SGPP2: variants seen among roughly 807,000 people sequenced by gnomAD.
The protein encoded by SGPP2 is sphingosine 1-phosphate phosphohydrolase 2.
In SGPP2, 30 loss-of-function variants were observed where a neutral mutation model predicts 33.9. The ratio of observed to expected loss-of-function variants is 0.89; its 90% CI spans 0.66 to 1.20. SGPP2 has a LOEUF of 1.20. Ranked by LOEUF, SGPP2 falls within the 50% of genes most tolerant of loss-of-function variation. The pLI, the probability that SGPP2 is intolerant of heterozygous loss-of-function variation, is 0.00. For missense variants in SGPP2, 458 were observed against 532.1 expected (o/e 0.86, Z 1.37); for synonymous variants, 233 against 225.0 (o/e 1.04, Z -0.32).
intron 4 of SGPP2, among the ~76,000 whole-genome samples, chr2:222,540,074 T>C (rs2106147758): frequency 6.6e-6 from 1 of 152,318 alleles, no homozygotes; most frequent in East Asian, 1.9e-4. Context: ...AGATTTTCAT[T>C]CCAAAGTCTC....
intron 1 of SGPP2, among the ~76,000 whole-genome samples, chr2:222,428,785 C>CTTTTTTTTTTTTTTTTTTTTTTTTTTT (rs58239129): frequency 4.0e-5 from 3 of 75,344 alleles, no homozygotes; most frequent in Non-Finnish European, 7.4e-5. Flanking sequence ...ACATGGTTTT[C>CTTTTTTTTTTTTTTTTTTTTTTTTTTT]TTTTTTTTTT....
In SGPP2 at chr2:222,465,083, C is replaced by G. The variant is rs1266112023; in HGVS notation, c.220-9485C>G. On this transcript the variant is annotated intron_variant, in intron 1 of 4. Coordinates refer to ENST00000321276, the MANE Select transcript of SGPP2 (RefSeq NM_152386.4). The surrounding 1 kb of genome is among the most constrained non-coding windows in gnomAD (Gnocchi z 4.1). ...GGGCTCAGTCCCCTCAACCCTCCCT[C>G]CTATCCTTGGACGCAGCAGAGGGAT... Among the ~76,000 whole-genome samples the G allele has an allele frequency of 2.6e-5, 4 of 152,208 alleles. No homozygotes were observed. The highest frequency in any genetic ancestry group is 4.4e-5 in the Non-Finnish European group (3 of 68,034).
intron 2 of SGPP2, among the ~76,000 whole-genome samples, chr2:222,512,330 G>C (rs1020855817): frequency 2.0e-5 from 3 of 151,960 alleles, no homozygotes; most frequent in African/African-American, 7.3e-5. Context: ...ATTTTTTTTA[G>C]AGAAGTTTTA....
intron 1 of SGPP2, among the ~76,000 whole-genome samples, chr2:222,431,377 A>G (rs372363156): frequency 1.3e-5 from 2 of 152,008 alleles, no homozygotes; most frequent in East Asian, 3.9e-4. Flanking sequence ...GTGGTGGCAC[A>G]CGTCTGATGT....
At chr2:222,481,374 C>T (rs1698027340) in intron 2 of SGPP2, among the ~76,000 whole-genome samples, 1 of 151,990 alleles carries the variant, frequency 6.6e-6, no homozygotes, top group African/African-American at 2.4e-5. Flanking sequence ...TGTCAGTCTG[C>T]CTTGTATTTT....
intron 1 of SGPP2, among the ~76,000 whole-genome samples, chr2:222,463,223 T>C (rs1052388149): frequency 6.6e-6 from 1 of 152,248 alleles, no homozygotes; most frequent in East Asian, 1.9e-4. Flanking sequence ...CTACCACATA[T>C]CCACAGTCAC....
chr2:222,491,700 T>C (rs931617156), intron 2 of SGPP2, among the ~76,000 whole-genome samples: 1 of 152,082 alleles, frequency 6.6e-6, no homozygotes, highest in African/African-American at 2.4e-5. Context: ...CCCTGGCCCT[T>C]CCCAAATCTC....
intron 2 of SGPP2, among the ~76,000 whole-genome samples, chr2:222,486,990 C>T (rs1698121066): frequency 6.6e-6 from 1 of 151,986 alleles, no homozygotes; most frequent in South Asian, 2.1e-4. Flanking sequence ...TCACCTTTTC[C>T]TTCCATCGCT....
intron 2 of SGPP2, among the ~76,000 whole-genome samples, chr2:222,506,379 A>G (rs1698445485): frequency 6.6e-6 from 1 of 152,212 alleles, no homozygotes; most frequent in Non-Finnish European, 1.5e-5. Context: ...AATTACAAGA[A>G]AAGCTATGAA....
In SGPP2 at chr2:222,474,711, G is replaced by A. The variant is rs142977718; in HGVS notation, c.363G>A (p.Leu121=). 2,823 of 1,613,370 alleles carry A rather than the reference G, an allele frequency of 1.7e-3. 2 individuals carry two copies. Among genetic ancestry groups the A allele is most frequent in the Admixed American group, 3.6e-3 (218 of 59,992 alleles). The change falls in exon 2 of 5, where the codon TTG becomes TTA. Residue 121 remains leucine, a synonymous_variant. Transcript: ENST00000321276. ...TTGACCCTTATTTATCCAGAAGATT[G>A]ATCATCATATGGGTTGTAAGTATTA... ...WNIDPYLSRR[L]IIIWVLVMYI...
intron 1 of SGPP2, among the ~76,000 whole-genome samples, chr2:222,454,377 T>A (rs887370827): frequency 1.3e-5 from 2 of 152,206 alleles, no homozygotes; most frequent in Non-Finnish European, 2.9e-5. Context: ...GAAATGTGCT[T>A]ACAACTCTCT....
At chr2:222,523,468 C>G (rs960678225) in intron 3 of SGPP2, among the ~76,000 whole-genome samples, 1 of 152,140 alleles carries the variant, frequency 6.6e-6, no homozygotes, top group Non-Finnish European at 1.5e-5. Flanking sequence ...AAGAGAAAAG[C>G]AGCAAGTGGA....
At chr2:222,462,736 A>G (rs1697682957) in intron 1 of SGPP2, among the ~76,000 whole-genome samples, 1 of 152,162 alleles carries the variant, frequency 6.6e-6, no homozygotes, top group Non-Finnish European at 1.5e-5. Context: ...GGGTGGGACA[A>G]TGGCAGTTTT....
intron 2 of SGPP2, among the ~76,000 whole-genome samples, chr2:222,496,395 C>G (rs1228263076): frequency 6.6e-6 from 1 of 152,192 alleles, no homozygotes; most frequent in Non-Finnish European, 1.5e-5. Flanking sequence ...ATTTTGTATT[C>G]TGAACATTTC....
chr2:222,519,916 T>C (rs1381224282), intron 2 of SGPP2, among the ~76,000 whole-genome samples: 5 of 152,248 alleles, frequency 3.3e-5, no homozygotes, highest in African/African-American at 7.2e-5. Flanking sequence ...AGTCCACTAT[T>C]GATGGGCACC....
In SGPP2 at chr2:222,424,789, GC is replaced by G; in HGVS notation, c.189del (p.Asn64ThrfsTer18). Reference protein sequence around the residue: ...AANGKGGEAPANGLRRAAAPE... With the variant: ...AANGKGGEAPXNGLRRAAAPE... ...CAACGGCAAGGGCGGCGAGGCTCCG[GC>G]CAACGGGCTGCGCAGAGCCGCGGCG... On this transcript the variant is annotated frameshift_variant, in exon 1 of 5. Coordinates refer to ENST00000321276, the MANE Select transcript of SGPP2 (RefSeq NM_152386.4). LOFTEE classifies it high-confidence loss of function. 7.2e-7 allele frequency: 1 copy of G among 1,396,938 alleles called. No individual in the cohort carries two copies. Among genetic ancestry groups the G allele is most frequent in the South Asian group, 1.5e-5 (1 of 64,980 alleles). 86.5% of individuals were successfully genotyped at this position (1,396,938 alleles called of 1,614,324 possible). A position where few individuals can be genotyped will look rare whatever the true frequency, so the allele number is the denominator to read the frequency against.
intron 2 of SGPP2, among the ~76,000 whole-genome samples, chr2:222,518,966 G>A (rs1179736429): frequency 6.6e-6 from 1 of 152,224 alleles, no homozygotes; most frequent in Non-Finnish European, 1.5e-5. Flanking sequence ...GCACAAGAAT[G>A]TGGGAACTCC....
intron 1 of SGPP2, among the ~76,000 whole-genome samples, chr2:222,472,971 G>A (rs967780616): frequency 2.6e-5 from 4 of 152,118 alleles, no homozygotes; most frequent in African/African-American, 9.7e-5. Flanking sequence ...CCAAGATAGT[G>A]CCATTGCACT....
At chr2:222,512,004 T>TTTTATTTATTTA (rs34621381) in intron 2 of SGPP2, among the ~76,000 whole-genome samples, 171 of 147,782 alleles carry the variant, frequency 1.2e-3, no homozygotes, top group African/African-American at 4.1e-3. Context: ...TAAAATAAAC[T>TTTTATTTATTTA]TTTATTTATT....
Sources: gnomAD v4.1 joint callset for allele counts (sites outside exome capture counted in the v4.1 genomes callset) on GRCh38, gnomAD v4.1.1 for gene constraint, Gnocchi (gnomAD v3.1) non-coding constraint, MANE v1.5 for transcripts, NCBI Gene and HGNC (gene_info 2026-07-23, HGNC 2026-07-21) for gene names.